Variants in ABCC6 observed in about 807,000 individuals in gnomAD.
The protein encoded by ABCC6 is ATP-binding cassette sub-family C member 6.
A neutral mutation model predicts 169.5 loss-of-function variants in ABCC6; 126 were observed. The observed-to-expected ratio is 0.74, with a 90% CI of 0.64 to 0.86. The LOEUF is 0.86. Among genes scored for constraint, ABCC6 ranks in the 40% least tolerant of loss-of-function variants. The pLI is 0.00. For missense variants in ABCC6, 1,733 were observed against 1,927.2 expected (o/e 0.90, Z 1.89); for synonymous variants, 752 against 814.7 (o/e 0.92, Z 1.31).
At chr16:16,181,154 A>G (rs2047455274) in intron 17 of ABCC6, among the ~76,000 whole-genome samples, 1 of 151,948 alleles carries the variant, frequency 6.6e-6, no homozygotes, top group Non-Finnish European at 1.5e-5. Flanking sequence ...AAGTACAAAA[A>G]AAAATTAGCC....
intron 15 of ABCC6, among the ~76,000 whole-genome samples, chr16:16,183,490 G>A (rs2047547885): frequency 6.6e-6 from 1 of 152,004 alleles, no homozygotes; most frequent in African/African-American, 2.4e-5. Context: ...ACACTTCCCA[G>A]CTAAACCCGC....
intron 29 of ABCC6, among the ~76,000 whole-genome samples, chr16:16,153,752 A>G (rs2046455809): frequency 6.6e-6 from 1 of 151,632 alleles, no homozygotes; most frequent in Admixed American, 6.6e-5. Flanking sequence ...AAAAATAAAA[A>G]GATTACCTGG....
chr16:16,157,475 G>C (rs1482874508), intron 27 of ABCC6, among the ~76,000 whole-genome samples, 188 bp downstream of exon 27: 1 of 152,134 alleles, frequency 6.6e-6, no homozygotes, highest in East Asian at 1.9e-4. Context: ...AGGTGGATGA[G>C]GAAGTCACCA....
At chr16:16,175,119 C>G (rs2047234707) in intron 20 of ABCC6, among the ~76,000 whole-genome samples, 1 of 151,996 alleles carries the variant, frequency 6.6e-6, no homozygotes, top group Admixed American at 6.6e-5. Context: ...GACTACCTAT[C>G]CATCTGATCT....
Position 16,175,951 on chromosome 16 carries a change from C to T in ABCC6, c.2626G>A (p.Gly876Ser). 6.2e-7 allele frequency: 1 copy of T among 1,614,140 alleles called. No homozygotes were observed. The highest frequency in any genetic ancestry group is 8.5e-7 in the Non-Finnish European group (1 of 1,180,034). Reference protein sequence around the residue: ...EPGTSTKDPRGTSAGRRPELR... With the variant: ...EPGTSTKDPRSTSAGRRPELR... ...TCGGGCCTCCTGCCTGCAGAGGTGC[C>T]TCTGGGGTCCTTGGTGCTGGTCCCA... is the stretch of plus-strand genomic sequence containing the variant. The change falls in exon 20 of 31, where the codon GGC becomes AGC. Residue 876 changes from glycine to serine, a missense_variant. Coordinates refer to ENST00000205557, the MANE Select transcript of ABCC6 (RefSeq NM_001171.6).
At chr16:16,161,645 C>G in intron 24 of ABCC6, 81 bp from the exon 25 acceptor site, 1 of 1,586,502 alleles carries the variant, frequency 6.3e-7, no homozygotes, top group Non-Finnish European at 8.6e-7. Context: ...GACTGGTCAT[C>G]ACACCAGCTT....
In ABCC6 at chr16:16,171,117, A is replaced by G. The variant is rs555995917; in HGVS notation, c.2788-1264T>C. 9.2e-5 allele frequency among the ~76,000 whole-genome samples: 14 copies of G among 151,604 alleles called. 1 individual carries two copies. The highest frequency in any genetic ancestry group is 1.9e-4 in the East Asian group (1 of 5,142). ...GAGCGCTCTTTCTCCTGCCCTTTGT[A>G]TGACTGGTTCCTTCACACATTCTTT... On this transcript the variant is annotated intron_variant, in intron 21 of 30. Transcript: ENST00000205557.
intron 8 of ABCC6, 142 bp from the exon 9 acceptor site, chr16:16,202,320 T>C: frequency 2.2e-6 from 2 of 928,156 alleles, no homozygotes; most frequent in East Asian, 2.7e-5. Flanking sequence ...GTGGTTTTTT[T>C]TGCAATAATG....
chr16:16,175,788 C>G (rs2047259056), intron 20 of ABCC6, 123 bp downstream of exon 20: 3 of 1,145,430 alleles, frequency 2.6e-6, no homozygotes, highest in Non-Finnish European at 3.8e-6. Context: ...GGGGGGACTT[C>G]AGCAGGTTCT....
intron 4 of ABCC6, among the ~76,000 whole-genome samples, chr16:16,215,008 C>T (rs1464254733): frequency 6.6e-6 from 1 of 152,180 alleles, no homozygotes; most frequent in Non-Finnish European, 1.5e-5. Flanking sequence ...TGATGATTGG[C>T]CACAGCTGCT....
At chr16:16,207,054 T>C (rs527911676) in intron 7 of ABCC6, among the ~76,000 whole-genome samples, 5 of 152,260 alleles carry the variant, frequency 3.3e-5, no homozygotes, top group South Asian at 2.1e-4. Context: ...GCAGGAGAAT[T>C]GCTTGAACCC....
In ABCC6 at chr16:16,188,874, TTGTTGAGGA is replaced by T. The variant is rs1209861040; in HGVS notation, c.1727_1735del (p.Ile576_Asn578del). 2 of 1,614,148 alleles carry T rather than the reference TTGTTGAGGA, an allele frequency of 1.2e-6. No individual in the cohort carries two copies. The highest frequency in any genetic ancestry group is 8.5e-7 in the Non-Finnish European group (1 of 1,180,034). On this transcript the variant is annotated inframe_deletion, in exon 13 of 31. Transcript: ENST00000205557. ...GGAGAAGGGCAGGAAAGCCTGGGCCTTGTTGAGGATGTTGAGAACTGTGAGAGTCACAAA... is the reference window on the plus strand; with the variant it reads ...GGAGAAGGGCAGGAAAGCCTGGGCCTTGTTGAGAACTGTGAGAGTCACAAA...
At chr16:16,150,542 G>C in intron 30 of ABCC6, 36 bp downstream of exon 30, 1 of 1,599,042 alleles carries the variant, frequency 6.3e-7, no homozygotes, top group Non-Finnish European at 8.5e-7. Flanking sequence ...ACCACTGCAG[G>C]GCTGCTGTGA....
intron 22 of ABCC6, among the ~76,000 whole-genome samples, chr16:16,166,888 A>C (rs2046892853): frequency 1.4e-5 from 2 of 139,802 alleles, no homozygotes; most frequent in Non-Finnish European, 3.1e-5. Context: ...ACAGAGCAAG[A>C]CTCCGTCTCA....
intron 27 of ABCC6, among the ~76,000 whole-genome samples, chr16:16,156,077 G>A (rs1221078538): frequency 2.6e-5 from 4 of 152,076 alleles, no homozygotes; most frequent in Non-Finnish European, 2.9e-5. Flanking sequence ...CACCATGCTC[G>A]GCTAATTTTT....
At chr16:16,180,044 C>A (rs1004694936) in intron 17 of ABCC6, among the ~76,000 whole-genome samples, 1 of 152,176 alleles carries the variant, frequency 6.6e-6, no homozygotes, top group Non-Finnish European at 1.5e-5. Flanking sequence ...TCATAAGATC[C>A]CTCACATGTG....
chr16:16,191,782 C>A (rs2047866950), intron 11 of ABCC6, among the ~76,000 whole-genome samples: 1 of 151,368 alleles, frequency 6.6e-6, no homozygotes, highest in East Asian at 1.9e-4. Context: ...CCTTTTCTCT[C>A]CTTCCCCTCC....
In ABCC6 at chr16:16,208,788, G is replaced by T. The variant is rs761731967; in HGVS notation, c.734C>A (p.Ser245Ter). Residue 245 changes from serine (S) to a stop codon, truncating the protein, a stop_gained, in exon 7 of 31, where the codon TCA becomes TAA. Coordinates refer to ENST00000205557, the MANE Select transcript of ABCC6 (RefSeq NM_001171.6). LOFTEE classifies it high-confidence loss of function. The part of the protein sequence containing the change: ...DLWSLGRENS[S>*]EELVSRLEKE... ...TTCAAGCCGGGAAACAAGTTCTTCT[G>T]AGGAGTTTTCTCTCCCAAGCGACCA... The T allele has an allele frequency of 1.9e-6, 3 of 1,613,356 alleles. No individual in the cohort carries two copies. The highest frequency in any genetic ancestry group is 1.7e-5 in the Admixed American group (1 of 59,892).
rs952956107 is a variant in ABCC6 at position 16,165,870 on chromosome 16, A to G, written c.3059T>C (p.Leu1020Pro). The G allele has an allele frequency of 6.2e-7, 1 of 1,613,188 alleles. No individual in the cohort carries two copies. The highest frequency in any genetic ancestry group is 1.3e-5 in the African/African-American group (1 of 74,932). The change falls in exon 23 of 31, where the codon CTC becomes CCC. Residue 1020 changes from leucine to proline, a missense_variant. Around this residue, in one of 5 missense-constraint regions of ABCC6, gnomAD observed 1,601 missense variants for 1,635.5 expected, o/e 0.98. Coordinates refer to ENST00000205557, the MANE Select transcript of ABCC6 (RefSeq NM_001171.6). ...CACATCCCACAGGAGCCTCTGGAAG[A>G]GCAACCTGGATGCCCGGGCCCCACC... ...LLGGARASRL[L>P]FQRLLWDVVR...
Sources: gnomAD v4.1 joint callset for allele counts (sites outside exome capture counted in the v4.1 genomes callset) on GRCh38, gnomAD v4.1.1 for gene constraint, gnomAD v4.1.1 regional missense constraint, MANE v1.5 for transcripts, NCBI Gene and HGNC (gene_info 2026-07-23, HGNC 2026-07-21) for gene names.